Variants in QRICH2 observed in about 807,000 individuals in gnomAD.
The protein encoded by QRICH2 is glutamine-rich protein 2.
In QRICH2, 119 loss-of-function variants were observed where a neutral mutation model predicts 168.3. The observed-to-expected ratio is 0.71, with a 90% CI of 0.61 to 0.82. The LOEUF is 0.82. Among genes scored for constraint, QRICH2 ranks in the 40% least tolerant of loss-of-function variants. The pLI is 0.00. For missense variants in QRICH2, 2,241 were observed against 2,491.6 expected (o/e 0.90, Z 2.14); for synonymous variants, 894 against 951.2 (o/e 0.94, Z 1.11).
chr17:76,276,866 C>T (rs2070690135), intron 16 of QRICH2, 99 bp from the exon 17 acceptor site: 1 of 987,550 alleles, frequency 1.0e-6, no homozygotes, highest in South Asian at 1.5e-5. Flanking sequence ...GGTCTCAGAA[C>T]CCTCCTGGGG....
At chr17:76,289,924 C>T in intron 5 of QRICH2, 68 bp downstream of exon 5, 2 of 1,115,100 alleles carry the variant, frequency 1.8e-6, no homozygotes, top group Non-Finnish European at 2.6e-6. Flanking sequence ...GCACTCCAGC[C>T]AGGGCGACAA....
At chr17:76,308,586 G>A (rs1292663349), upstream of QRICH2, 2 of 686,716 alleles carry the variant, frequency 2.9e-6, no homozygotes, top group Non-Finnish European at 3.6e-6. Flanking sequence ...ATGTCTAAGG[G>A]ATGCAGTCCT....
At position 76,281,941 on chromosome 17, in the gene QRICH2, G is replaced by A. The variant is rs754629657; in HGVS notation, c.4186C>T (p.Arg1396Cys). The A allele has an allele frequency of 7.4e-6, 12 of 1,613,854 alleles. No homozygotes were observed. The South Asian group carries it at 7.7e-5, about 10-fold the overall frequency. The change falls in exon 8 of 19, where the codon CGC becomes TGC. Residue 1396 changes from arginine to cysteine, a missense_variant. Coordinates refer to ENST00000680821, the MANE Select transcript of QRICH2 (RefSeq NM_001388453.1). The surrounding 1 kb of genome is among the most constrained non-coding windows in gnomAD (Gnocchi z 4.4). ...VSHQVSTLVR[R>C]YEQLQDMVNS... is the part of the protein sequence containing the mutation. ...ACCATGTCTTGGAGTTGCTCATAGC[G>A]CCGCACCAGCGTGCTGACCTGATGG...
In QRICH2 at chr17:76,305,758, G is replaced by A. The variant is rs184956020; in HGVS notation, c.535-817C>T. 5.5e-4 allele frequency among the ~76,000 whole-genome samples: 84 copies of A among 152,158 alleles called. 1 individual carries two copies. Among genetic ancestry groups the A allele is most frequent in the Non-Finnish European group, 1.0e-3 (69 of 68,010 alleles). ...CACCTCAAAAGAACCAAAGCAAATC[G>A]CTACAACATAAGGTGCTATCATATT... On this transcript the variant is annotated intron_variant, in intron 1 of 18. Coordinates refer to ENST00000680821, the MANE Select transcript of QRICH2 (RefSeq NM_001388453.1).
chr17:76,277,132 C>T, intron 16 of QRICH2, 31 bp downstream of exon 16: 2 of 1,519,742 alleles, frequency 1.3e-6, no homozygotes, highest in South Asian at 2.6e-5. Context: ...TCAGGGCCTC[C>T]CTCCCTGGTG....
intron 4 of QRICH2, among the ~76,000 whole-genome samples, chr17:76,290,807 T>A (rs2143278547): frequency 6.6e-6 from 1 of 152,224 alleles, no homozygotes; most frequent in South Asian, 2.1e-4. Context: ...AAGAACCCGC[T>A]CCACTCCTCT....
intron 1 of QRICH2, among the ~76,000 whole-genome samples, chr17:76,306,721 T>C (rs2070996607): frequency 6.6e-6 from 1 of 152,102 alleles, no homozygotes; most frequent in Non-Finnish European, 1.5e-5. Context: ...ACTCCTTCTC[T>C]ACTAAAAACA....
intron 1 of QRICH2, among the ~76,000 whole-genome samples, chr17:76,305,565 G>T (rs1039684775): frequency 6.6e-6 from 1 of 152,136 alleles, no homozygotes; most frequent in Non-Finnish European, 1.5e-5. Flanking sequence ...TGGTAGCATG[G>T]CAGGAGTAAG....
intron 7 of QRICH2, among the ~76,000 whole-genome samples, chr17:76,285,176 A>C (rs1250101086): frequency 6.8e-6 from 1 of 146,782 alleles, no homozygotes; most frequent in East Asian, 2.0e-4. Flanking sequence ...TTTTTCACCC[A>C]ACCTGGAGTG....
chr17:76,283,502 C>T (rs1180996795), intron 7 of QRICH2, among the ~76,000 whole-genome samples: 1 of 152,230 alleles, frequency 6.6e-6, no homozygotes, highest in African/African-American at 2.4e-5. Flanking sequence ...AGCTGCTCCT[C>T]AGGCAGGACT....
chr17:76,298,236 T>C (rs1359993089), intron 3 of QRICH2, among the ~76,000 whole-genome samples: 1 of 137,298 alleles, frequency 7.3e-6, no homozygotes, highest in African/African-American at 2.9e-5. Flanking sequence ...CAGGCTGGAG[T>C]GCAGTGGTGC....
chr17:76,288,120 C>T lies in QRICH2; in HGVS notation c.3799-223G>A, dbSNP rs540077391. Among the ~76,000 whole-genome samples, 7 of 152,240 alleles carry T rather than the reference C, an allele frequency of 4.6e-5. No homozygotes were observed. The South Asian group carries it at 1.2e-3, about 27-fold the overall frequency. ...TGACTGGGCCAGGCACGATGGCTCACGCCTGTAATCCCAGCACTTTTGAGA... is the reference window on the plus strand; with the variant it reads ...TGACTGGGCCAGGCACGATGGCTCATGCCTGTAATCCCAGCACTTTTGAGA... On this transcript the variant is annotated intron_variant, in intron 5 of 18. Transcript: ENST00000680821.
Position 76,275,778 on chromosome 17 carries a change from C to G in QRICH2, c.5482+41G>C, listed in dbSNP as rs768697056. The G allele has an allele frequency of 8.0e-5, 128 of 1,593,010 alleles. 1 individual carries two copies. Among genetic ancestry groups the G allele is most frequent in the Middle Eastern group, 5.0e-4 (3 of 6,018 alleles). ...CAGGAAAGGGGGCCGGCAGGGCCAG[C>G]GGGGAGGCCTGGCAGGACGCCCCAC... On this transcript the variant is annotated intron_variant, in intron 18 of 18. Transcript: ENST00000680821.
At chr17:76,299,652 A>C (rs2070862828) in intron 3 of QRICH2, among the ~76,000 whole-genome samples, 1 of 151,872 alleles carries the variant, frequency 6.6e-6, no homozygotes. Flanking sequence ...CAGGAGAATC[A>C]TTTGAACCCA....
intron 3 of QRICH2, among the ~76,000 whole-genome samples, chr17:76,295,368 G>T (rs746030648): frequency 1.3e-5 from 2 of 152,154 alleles, no homozygotes; most frequent in Non-Finnish European, 2.9e-5. Flanking sequence ...TATTTAAAAT[G>T]TATAGGCTGG....
At chr17:76,289,537 C>T (rs781400023) in intron 5 of QRICH2, among the ~76,000 whole-genome samples, 3 of 152,112 alleles carry the variant, frequency 2.0e-5, no homozygotes, top group Admixed American at 6.6e-5. Flanking sequence ...ACCCAAGGTG[C>T]AGTTCCTATC....
At chr17:76,310,435 G>T (rs1224277001), upstream of QRICH2, 1 of 151,746 alleles carries the variant, frequency 6.6e-6, no homozygotes, top group Non-Finnish European at 1.5e-5. Context: ...CTCCCAAAGT[G>T]CAGGGATTAC....
chr17:76,302,365 G>T (rs77531743), intron 3 of QRICH2, among the ~76,000 whole-genome samples: 4,893 of 124,590 alleles, frequency 0.039, 293 homozygotes, highest in African/African-American at 0.14. Flanking sequence ...TGTTTGTTCT[G>T]AAAAACCATT....
intron 15 of QRICH2, 131 bp downstream of exon 15, chr17:76,277,858 T>TTC: frequency 1.0e-6 from 1 of 979,670 alleles, no homozygotes; most frequent in South Asian, 1.5e-5. Flanking sequence ...CGCCCACACT[T>TTC]TCTCTCACAC....
Sources: allele counts gnomAD v4.1 joint callset (sites outside exome capture counted in the v4.1 genomes callset), GRCh38; gene constraint gnomAD v4.1.1; non-coding constraint Gnocchi (gnomAD v3.1); transcripts MANE v1.5; gene names NCBI Gene and HGNC (gene_info 2026-07-23, HGNC 2026-07-21).